AFF3: variants seen among roughly 807,000 people sequenced by gnomAD.
AFF3 encodes the protein AF4/FMR2 family member 3.
Under a neutral mutation model 129.7 loss-of-function variants are expected in AFF3, and 32 were observed. The observed-to-expected ratio is 0.25, with a 90% confidence interval of 0.19 to 0.33. The LOEUF (loss-of-function observed/expected upper bound fraction) is 0.33. AFF3 is among the 10% of genes least tolerant of loss of function. The probability of loss-of-function intolerance (pLI) is 1.00; values close to 1 mark genes in which losing one functional copy is unlikely to be tolerated. For synonymous variants in AFF3, 644 were observed against 635.4 expected, an observed-to-expected ratio of 1.01 and a Z score of -0.20; for missense variants, 1,373 against 1,592.0, an observed-to-expected ratio of 0.86 and a Z score of 2.34.
chr2:99,930,782 C>T (rs1281682680), intron 7 of AFF3, among the ~76,000 whole-genome samples: 1 of 152,226 alleles, frequency 6.6e-6, no homozygotes. Flanking sequence ...CACTGGGACC[C>T]AGAGAGCTAG....
intron 11 of AFF3, among the ~76,000 whole-genome samples, chr2:99,711,326 G>T (rs1385666327): frequency 6.6e-6 from 1 of 151,974 alleles, no homozygotes; most frequent in Non-Finnish European, 1.5e-5. Context: ...CTGAGACCTC[G>T]TTTTTCTCTT....
chr2:99,615,529 G>A (rs1228176336), intron 13 of AFF3, among the ~76,000 whole-genome samples: 1 of 152,254 alleles, frequency 6.6e-6, no homozygotes, highest in Non-Finnish European at 1.5e-5. Context: ...TTCGACAACT[G>A]GGATGGGAGC....
intron 7 of AFF3, among the ~76,000 whole-genome samples, chr2:99,860,485 C>T (rs1690897419): frequency 6.6e-6 from 1 of 151,838 alleles, no homozygotes; most frequent in South Asian, 2.1e-4. Context: ...ACCTGGGAGG[C>T]AGAGCTTGCA....
intron 4 of AFF3, among the ~76,000 whole-genome samples, chr2:100,049,307 G>C (rs1686096039): frequency 1.3e-5 from 2 of 152,140 alleles, no homozygotes; most frequent in South Asian, 2.1e-4. Flanking sequence ...GCATCTTATA[G>C]GAGGAAACAA....
intron 11 of AFF3, among the ~76,000 whole-genome samples, chr2:99,677,186 C>T (rs1021449994): frequency 1.3e-5 from 2 of 149,998 alleles, no homozygotes; most frequent in Non-Finnish European, 2.9e-5. Context: ...AGGAGGATCA[C>T]CTGAGCCCTG....
chr2:100,009,712 A>C (rs1682335395), intron 4 of AFF3, among the ~76,000 whole-genome samples: 1 of 152,220 alleles, frequency 6.6e-6, no homozygotes, highest in South Asian at 2.1e-4. Flanking sequence ...GAAGAAATAA[A>C]GTGTTCCTTC....
At chr2:99,857,518 T>C (rs1388734381) in intron 7 of AFF3, among the ~76,000 whole-genome samples, 2 of 152,234 alleles carry the variant, frequency 1.3e-5, no homozygotes, top group Non-Finnish European at 2.9e-5. Context: ...TTCCAAGTCA[T>C]TCTGTCAAGA....
At chr2:99,808,440 G>C (rs1686523698) in intron 8 of AFF3, among the ~76,000 whole-genome samples, 1 of 152,194 alleles carries the variant, frequency 6.6e-6, no homozygotes, top group Non-Finnish European at 1.5e-5. Flanking sequence ...TTGGCTACCA[G>C]ATGCCCAGGT....
chr2:99,688,225 A>G (rs1675264429), intron 11 of AFF3, among the ~76,000 whole-genome samples: 2 of 152,158 alleles, frequency 1.3e-5, no homozygotes, highest in South Asian at 4.1e-4. Context: ...CTGTTCCTGA[A>G]TCACATATAA....
At chr2:99,589,333 T>C (rs1255117083) in intron 15 of AFF3, among the ~76,000 whole-genome samples, 1 of 151,814 alleles carries the variant, frequency 6.6e-6, no homozygotes, top group East Asian at 1.9e-4. Flanking sequence ...CTGCCAAGTA[T>C]TACTGAGTTG....
intron 11 of AFF3, among the ~76,000 whole-genome samples, chr2:99,724,244 A>G (rs1679157603): frequency 1.5e-5 from 2 of 134,978 alleles, no homozygotes; most frequent in Non-Finnish European, 3.1e-5. Context: ...TTATGCTCTA[A>G]CTCCTCACTT....
chr2:99,829,682 G>A (rs1015601533), intron 8 of AFF3, among the ~76,000 whole-genome samples: 1 of 152,138 alleles, frequency 6.6e-6, no homozygotes, highest in Non-Finnish European at 1.5e-5. Context: ...ACTGTTGCTG[G>A]GAGTATAAAT....
intron 7 of AFF3, among the ~76,000 whole-genome samples, chr2:99,935,288 G>A (rs1195411402): frequency 6.6e-6 from 1 of 152,116 alleles, no homozygotes; most frequent in African/African-American, 2.4e-5. Context: ...GCTGACCTTT[G>A]CCTATGGGAC....
At chr2:99,747,196 C>T (rs1055839714) in intron 9 of AFF3, among the ~76,000 whole-genome samples, 2 of 151,604 alleles carry the variant, frequency 1.3e-5, no homozygotes, top group Admixed American at 6.6e-5. Flanking sequence ...GCCCTGCTAA[C>T]TTTTTGTATT....
At chr2:99,872,750 C>T (rs1691977992) in intron 7 of AFF3, among the ~76,000 whole-genome samples, 1 of 152,064 alleles carries the variant, frequency 6.6e-6, no homozygotes, top group Non-Finnish European at 1.5e-5. Context: ...CTGAGTTGTA[C>T]TGATTTTGCA....
At chr2:99,953,868 A>C (rs1676388936) in intron 7 of AFF3, among the ~76,000 whole-genome samples, 1 of 152,226 alleles carries the variant, frequency 6.6e-6, no homozygotes, top group Admixed American at 6.5e-5. Context: ...TGACCTCCAC[A>C]TCGCCAGGCT....
chr2:99,915,050 A>G (rs1695385139), intron 7 of AFF3, among the ~76,000 whole-genome samples: 1 of 152,190 alleles, frequency 6.6e-6, no homozygotes, highest in Non-Finnish European at 1.5e-5. Flanking sequence ...GGCAGGGCAA[A>G]GCAACGTGGT....
chr2:99,666,403 G>A (rs371621925), intron 12 of AFF3, among the ~76,000 whole-genome samples: 3 of 152,146 alleles, frequency 2.0e-5, no homozygotes, highest in East Asian at 3.9e-4. Context: ...TAAAAAAGCT[G>A]TACAAAGAGA....
At chr2:99,631,507 T>A (rs1683115111) in intron 13 of AFF3, among the ~76,000 whole-genome samples, 1 of 152,312 alleles carries the variant, frequency 6.6e-6, no homozygotes, top group East Asian at 1.9e-4. Flanking sequence ...GCAACTCCCA[T>A]CTTCCATCAC....
Sources: allele counts gnomAD v4.1 joint callset (sites outside exome capture counted in the v4.1 genomes callset), GRCh38; gene constraint gnomAD v4.1.1; transcripts MANE v1.5; gene names NCBI Gene and HGNC (gene_info 2026-07-23, HGNC 2026-07-21).